Variants in TPO observed in about 807,000 individuals in gnomAD.
TPO encodes the protein thyroid microsomal antigen.
TPO carries 78 observed loss-of-function variants against 96.9 expected under a neutral mutation model. The observed-to-expected ratio is 0.81, with a 90% CI of 0.67 to 0.97. The LOEUF is 0.97. TPO is among the 50% of genes least tolerant of loss of function. The probability of loss-of-function intolerance (pLI) is 0.00; values close to 1 mark genes in which losing one functional copy is unlikely to be tolerated. For synonymous variants in TPO, 547 were observed against 538.0 expected (o/e 1.02, Z -0.23); for missense variants, 1,252 against 1,274.8 (o/e 0.98, Z 0.27).
rs1665583739 is a variant in TPO, at chr2:1,436,470, A to C, written c.482+86A>C. 1.9e-6 allele frequency: 3 copies of C among 1,588,666 alleles called. No homozygotes were observed. The African/African-American group carries it at 4.0e-5, about 21-fold the overall frequency. ...CCATCATGAAGGAACTTCTACCACC[A>C]CTGGTGGATCTGTATCCACCCCTGA... On this transcript the variant is annotated intron_variant, in intron 5 of 16. Transcript: ENST00000329066.
Position 1,516,924 on chromosome 2 carries a change from C to T in TPO, c.2560C>T (p.Leu854=). The T allele has an allele frequency of 6.2e-7, 1 of 1,614,000 alleles. No homozygotes were observed. The highest frequency in any genetic ancestry group is 8.5e-7 in the Non-Finnish European group (1 of 1,180,038). ...TCGGGTGACTTGGATCTCCATGTCG[C>T]TGGCTGCTCTGCTGATCGGAGGCTT... ...LPRVTWISMS[L]AALLIGGFAG... is the part of the protein sequence containing the mutation. The change falls in exon 15 of 17, where the codon CTG becomes TTG. Residue 854 remains leucine, a synonymous_variant. Transcript: ENST00000329066.
At chr2:1,420,539 G>T (rs1248769547) in intron 2 of TPO, among the ~76,000 whole-genome samples, 1 of 152,164 alleles carries the variant, frequency 6.6e-6, no homozygotes, top group Non-Finnish European at 1.5e-5. Context: ...AATTTCATGA[G>T]ATGAAGGATA....
At chr2:1,453,105 GACTTA>G (rs753155360) in intron 5 of TPO, among the ~76,000 whole-genome samples, 69 of 152,324 alleles carry the variant, frequency 4.5e-4, no homozygotes, top group Non-Finnish European at 8.7e-4. Context: ...TCTCAGGAGA[GACTTA>G]ACTTTATTTT....
At chr2:1,475,744 G>A (rs142786760) in intron 7 of TPO, among the ~76,000 whole-genome samples, 10,618 of 152,258 alleles carry the variant, frequency 0.07, 613 homozygotes, top group African/African-American at 0.15. Flanking sequence ...GAGCCCCCGC[G>A]CCCGGCCGGA....
intron 5 of TPO, among the ~76,000 whole-genome samples, chr2:1,440,743 T>C (rs896836115): frequency 6.6e-5 from 10 of 151,354 alleles, no homozygotes; most frequent in African/African-American, 2.2e-4. Context: ...GTTTGTATGA[T>C]CTAGTCAGTG....
intron 7 of TPO, among the ~76,000 whole-genome samples, chr2:1,462,222 C>A (rs142046402): frequency 6.6e-6 from 1 of 151,946 alleles, no homozygotes; most frequent in South Asian, 2.1e-4. Context: ...GGGCAGCAGG[C>A]GGGGAGGGGC....
chr2:1,410,849 A>AT (rs539383371), upstream of TPO, among the ~76,000 whole-genome samples: 39 of 151,750 alleles, frequency 2.6e-4, no homozygotes, highest in South Asian at 7.5e-3. Flanking sequence ...GAAGACGTGT[A>AT]TTTTTTTCTT....
chr2:1,434,606 A>G lies in TPO; in HGVS notation c.349+999A>G, dbSNP rs76193357. ...CCTCCTATGGAAATGGCAGTTCCTG[A>G]CGTCAGAAGATGTGGGTCTTTCTGG... On this transcript the variant is annotated intron_variant, in intron 4 of 16. Coordinates refer to ENST00000329066, the MANE Select transcript of TPO (RefSeq NM_001206744.2). 4.0e-3 allele frequency among the ~76,000 whole-genome samples: 604 copies of G among 152,246 alleles called. 8 individuals are homozygous for G. Among genetic ancestry groups the G allele is most frequent in the African/African-American group, 0.014 (586 of 41,540 alleles).
At chr2:1,491,324 CT>C (rs1671753473) in intron 10 of TPO, among the ~76,000 whole-genome samples, 1 of 152,192 alleles carries the variant, frequency 6.6e-6, no homozygotes, top group Non-Finnish European at 1.5e-5. Context: ...CTGCACAGGC[CT>C]TGCATATTTT....
intron 13 of TPO, among the ~76,000 whole-genome samples, chr2:1,497,349 C>T (rs1672459437): frequency 6.6e-6 from 1 of 152,190 alleles, no homozygotes; most frequent in Non-Finnish European, 1.5e-5. Context: ...CTGGCTTGAG[C>T]GGGTGTCAGC....
At chr2:1,485,961 A>G (rs1012434135) in intron 9 of TPO, among the ~76,000 whole-genome samples, 6 of 152,198 alleles carry the variant, frequency 3.9e-5, no homozygotes, top group African/African-American at 1.4e-4. Flanking sequence ...TGTTTTAGTC[A>G]TGAAGTCCTT....
chr2:1,494,783 C>G (rs1355657368), intron 11 of TPO, among the ~76,000 whole-genome samples: 1 of 152,332 alleles, frequency 6.6e-6, no homozygotes, highest in East Asian at 1.9e-4. Flanking sequence ...TTTTGGTAGT[C>G]ACTGTGCCGA....
At chr2:1,392,770 G>A (rs530436899) in intron 1 of TPO, among the ~76,000 whole-genome samples, 1 of 152,222 alleles carries the variant, frequency 6.6e-6, no homozygotes, top group African/African-American at 2.4e-5. Flanking sequence ...ATATTTTTTA[G>A]TTTATTTGTG....
chr2:1,503,997 G>T lies in TPO; in HGVS notation c.2436G>T (p.Ala812=). The change falls in exon 14 of 17, where the codon GCG becomes GCT. Residue 812 remains alanine (A), a synonymous_variant. Coordinates refer to ENST00000329066, the MANE Select transcript of TPO (RefSeq NM_001206744.2). The part of the protein sequence containing the change: ...DGAHPPCHAS[A]RCRNTKGGFQ... The stretch of plus-strand genomic sequence containing the variant: ...CCCACCCCCCCTGCCACGCCTCTGC[G>T]AGGTGCAGAAACACCAAAGGCGGCT... 1 of 1,614,222 alleles carries T rather than the reference G, an allele frequency of 6.2e-7. No individual in the cohort carries two copies. The highest frequency in any genetic ancestry group is 8.5e-7 in the Non-Finnish European group (1 of 1,180,040).
At chr2:1,519,023 G>C (rs567445117) in intron 15 of TPO, among the ~76,000 whole-genome samples, 1 of 152,300 alleles carries the variant, frequency 6.6e-6, no homozygotes, top group East Asian at 1.9e-4. Context: ...GCAGGCGAAG[G>C]CCATCTTGAC....
At chr2:1,526,236 ACCC>A (rs1163381328) in intron 15 of TPO, among the ~76,000 whole-genome samples, 14 of 13,090 alleles carry the variant, frequency 1.1e-3, no homozygotes, top group Admixed American at 3.2e-3. Context: ...TGTGTGCAAC[ACCC>A]CCAAGTCCCC....
At chr2:1,520,436 G>A (rs920331127) in intron 15 of TPO, among the ~76,000 whole-genome samples, 2 of 152,184 alleles carry the variant, frequency 1.3e-5, no homozygotes, top group Non-Finnish European at 2.9e-5. Flanking sequence ...AACCCAGCAC[G>A]GTGTGGCACA....
chr2:1,441,380 G>A (rs985015649), intron 5 of TPO, among the ~76,000 whole-genome samples: 4 of 152,212 alleles, frequency 2.6e-5, no homozygotes, highest in Non-Finnish European at 5.9e-5. Context: ...CTCTGCATAA[G>A]CCCCTATTTT....
chr2:1,491,490 A>G (rs1304299862), intron 10 of TPO, among the ~76,000 whole-genome samples: 1 of 152,242 alleles, frequency 6.6e-6, no homozygotes, highest in Non-Finnish European at 1.5e-5. Context: ...ACTACTTAAA[A>G]CAGTTTGACA....
Sources: gnomAD v4.1 joint callset for allele counts (sites outside exome capture counted in the v4.1 genomes callset) on GRCh38, gnomAD v4.1.1 for gene constraint, MANE v1.5 for transcripts, NCBI Gene and HGNC (gene_info 2026-07-23, HGNC 2026-07-21) for gene names.